Variants in TENM4 observed in about 807,000 individuals in gnomAD.
TENM4 encodes teneurin transmembrane protein 4.
A neutral mutation model predicts 243.3 loss-of-function variants in TENM4; 82 were observed. That is an observed-to-expected ratio of 0.34 (90% CI 0.28 to 0.40). The LOEUF (loss-of-function observed/expected upper bound fraction) is 0.40, where lower values mean the gene tolerates loss of function less well. Among genes scored for constraint, TENM4 ranks in the 10% least tolerant of loss-of-function variants. The pLI is 1.00. For missense variants in TENM4, 3,138 were observed against 3,673.3 expected (o/e 0.85, Z 3.77); for synonymous variants, 1,412 against 1,456.3 (o/e 0.97, Z 0.69).
At position 79,164,440 on chromosome 11, in the gene TENM4, A is replaced by G. The variant is rs375720542; in HGVS notation, c.-162-15634T>C. Among the ~76,000 whole-genome samples the G allele has an allele frequency of 6.2e-4, 85 of 137,756 alleles. No homozygotes were observed. In the South Asian group the frequency reaches 9.5e-3, roughly 15 times the overall value. The allele number at this position is 137,756 out of a possible 152,430, so 90.4% of individuals were successfully genotyped here. On this transcript the variant is annotated intron_variant, in intron 3 of 33. Transcript: ENST00000278550. ...GTATGTAGTATATAGATATATATGT[A>G]CTATATAGTATATATAGTATATATA...
chr11:78,776,640 T>C (rs1856745166), intron 17 of TENM4, among the ~76,000 whole-genome samples: 1 of 152,226 alleles, frequency 6.6e-6, no homozygotes, highest in South Asian at 2.1e-4. Flanking sequence ...TTAGTATCCA[T>C]TATACCAAAA....
At chr11:78,663,594 C>T (rs766493611) in intron 32 of TENM4, among the ~76,000 whole-genome samples, 10 of 152,174 alleles carry the variant, frequency 6.6e-5, no homozygotes, top group South Asian at 2.1e-4. Context: ...CCTTCCGCTA[C>T]GAGTAAAAGC....
intron 6 of TENM4, among the ~76,000 whole-genome samples, chr11:78,936,085 G>A (rs762566375): frequency 2.6e-5 from 4 of 152,194 alleles, no homozygotes; most frequent in African/African-American, 4.8e-5. Flanking sequence ...TCATGCACAC[G>A]TTTCATCTCC....
chr11:78,906,123 T>C (rs75840102), intron 6 of TENM4, among the ~76,000 whole-genome samples: 2,899 of 152,364 alleles, frequency 0.019, 84 homozygotes, highest in African/African-American at 0.066. Context: ...GTCAACCTCA[T>C]GGCATTTTAC....
intron 1 of TENM4, among the ~76,000 whole-genome samples, chr11:79,393,892 TG>T (rs1165396514): frequency 1.3e-5 from 2 of 150,808 alleles, no homozygotes. Context: ...GCTCTGGCAG[TG>T]GGGGGTTGGA....
At chr11:79,102,090 A>G (rs1241061039) in intron 4 of TENM4, among the ~76,000 whole-genome samples, 1 of 152,220 alleles carries the variant, frequency 6.6e-6, no homozygotes, top group Non-Finnish European at 1.5e-5. Context: ...GGGCAAAACA[A>G]TGGTAGCTAG....
intron 6 of TENM4, among the ~76,000 whole-genome samples, chr11:78,959,028 G>T (rs1353109475): frequency 6.6e-6 from 1 of 152,164 alleles, no homozygotes; most frequent in Non-Finnish European, 1.5e-5. Context: ...TCAGAGGTTG[G>T]AAACATTGCC....
At chr11:79,005,051 G>T (rs551235431) in intron 6 of TENM4, among the ~76,000 whole-genome samples, 1 of 150,706 alleles carries the variant, frequency 6.6e-6, no homozygotes, top group East Asian at 1.9e-4. Context: ...AATGTCCCCA[G>T]ATTGAACCAG....
intron 6 of TENM4, among the ~76,000 whole-genome samples, chr11:79,056,785 G>A (rs1459821991): frequency 6.6e-6 from 1 of 152,152 alleles, no homozygotes; most frequent in Non-Finnish European, 1.5e-5. Context: ...CACCAAAGCT[G>A]TGGACTAAGA....
chr11:79,113,636 C>G (rs1043137684), intron 4 of TENM4, among the ~76,000 whole-genome samples: 3 of 151,666 alleles, frequency 2.0e-5, no homozygotes, highest in East Asian at 1.9e-4. Context: ...GTTAACTCTC[C>G]CCTTTGCCAG....
intron 1 of TENM4, among the ~76,000 whole-genome samples, chr11:79,358,731 TTCCCTC>T (rs1368980362): frequency 7.0e-5 from 6 of 86,180 alleles, no homozygotes; most frequent in South Asian, 6.4e-4. Context: ...TCCCTCTTCC[TTCCCTC>T]TTCCTTTCCT....
At chr11:79,143,087 A>T (rs1862322278) in intron 4 of TENM4, among the ~76,000 whole-genome samples, 1 of 152,140 alleles carries the variant, frequency 6.6e-6, no homozygotes, top group Non-Finnish European at 1.5e-5. Flanking sequence ...GGGAGTGTAA[A>T]CTAGTTCAAC....
chr11:79,026,419 G>A (rs991992757), intron 6 of TENM4, among the ~76,000 whole-genome samples: 2 of 152,140 alleles, frequency 1.3e-5, no homozygotes, highest in Non-Finnish European at 2.9e-5. Flanking sequence ...CGAGTGGAAG[G>A]AAGGCTTAAC....
At chr11:79,337,632 A>G (rs1342360509) in intron 1 of TENM4, among the ~76,000 whole-genome samples, 1 of 152,198 alleles carries the variant, frequency 6.6e-6, no homozygotes, top group African/African-American at 2.4e-5. Context: ...ATAACCTATG[A>G]AAAAGCAAAG....
intron 1 of TENM4, among the ~76,000 whole-genome samples, chr11:79,366,108 G>T (rs1343965040): frequency 6.6e-6 from 1 of 152,134 alleles, no homozygotes; most frequent in East Asian, 1.9e-4. Flanking sequence ...TGCAAAACAG[G>T]CACTCTGTGG....
intron 4 of TENM4, among the ~76,000 whole-genome samples, chr11:79,086,827 C>G (rs541366573): frequency 1.2e-3 from 134 of 112,170 alleles, no homozygotes; most frequent in African/African-American, 4.3e-3. Context: ...GAGCAAGACT[C>G]TGTCTCGCAA....
chr11:78,806,348 C>A (rs960640813), intron 14 of TENM4, among the ~76,000 whole-genome samples: 15 of 152,118 alleles, frequency 9.9e-5, no homozygotes, highest in Non-Finnish European at 8.8e-5. Flanking sequence ...TTCCTGAGGG[C>A]AAACACTTCA....
chr11:78,942,169 T>C (rs1026151957), intron 6 of TENM4, among the ~76,000 whole-genome samples: 1 of 145,796 alleles, frequency 6.9e-6, no homozygotes, highest in Non-Finnish European at 1.5e-5. Flanking sequence ...TCCCAGCACT[T>C]TGGGAGGCCA....
intron 5 of TENM4, chr11:79,068,077 A>AC (rs1459966686): frequency 1.3e-5 from 2 of 152,236 alleles, no homozygotes; most frequent in African/African-American, 4.8e-5. Flanking sequence ...GTCCAAGCCA[A>AC]CCGGGGCTCA....
Sources: allele counts gnomAD v4.1 joint callset (sites outside exome capture counted in the v4.1 genomes callset), GRCh38; gene constraint gnomAD v4.1.1; transcripts MANE v1.5; gene names NCBI Gene and HGNC (gene_info 2026-07-23, HGNC 2026-07-21).